Variants in CFAP100 observed in about 807,000 individuals in gnomAD.
The protein encoded by CFAP100 is cilia and flagella associated protein 100.
A neutral mutation model predicts 81.5 loss-of-function variants in CFAP100; 70 were observed. The ratio of observed to expected loss-of-function variants is 0.86; its 90% CI spans 0.71 to 1.05. The LOEUF is 1.05. Ranked by LOEUF, CFAP100 falls within the 50% of genes least tolerant of loss-of-function variation. CFAP100 has a pLI of 0.00. For missense variants in CFAP100, 811 were observed against 776.5 expected (o/e 1.04, Z -0.53); for synonymous variants, 341 against 314.8 (o/e 1.08, Z -0.88).
At chr3:126,422,559 A>G (rs979411862) in intron 11 of CFAP100, among the ~76,000 whole-genome samples, 3 of 151,746 alleles carry the variant, frequency 2.0e-5, no homozygotes, top group Non-Finnish European at 4.4e-5. Flanking sequence ...CTGGGAGGGC[A>G]GGTTTGGAAG....
rs886421047 is a variant in CFAP100 at position 126,433,065 on chromosome 3, C to T, written c.1287-4C>T. 1.2e-6 allele frequency: 2 copies of T among 1,613,858 alleles called. No individual in the cohort carries two copies. Among genetic ancestry groups the T allele is most frequent in the African/African-American group, 1.3e-5 (1 of 74,902 alleles). On this transcript the variant is annotated splice_region_variant and splice_polypyrimidine_tract_variant and intron_variant, in intron 13 of 16. Transcript: ENST00000352312. ...GATGCCCTGCCGGTTTTCCCCTCTTCCAGGGACAGGGAGGTCAACCAGCTG... is the reference window on the plus strand; with the variant it reads ...GATGCCCTGCCGGTTTTCCCCTCTTTCAGGGACAGGGAGGTCAACCAGCTG...
chr3:126,426,448 C>T (rs1932940810), intron 13 of CFAP100, among the ~76,000 whole-genome samples: 1 of 142,698 alleles, frequency 7.0e-6, no homozygotes, highest in Non-Finnish European at 1.5e-5. Context: ...CAGTGAGACC[C>T]TGTCTTAAAA....
Position 126,423,387 on chromosome 3 carries a change from C to T in CFAP100, c.1134+11C>T, listed in dbSNP as rs772303493. 4.3e-6 allele frequency: 7 copies of T among 1,612,902 alleles called. No homozygotes were observed. Among genetic ancestry groups the T allele is most frequent in the Non-Finnish European group, 8.5e-7 (1 of 1,179,392 alleles). On this transcript the variant is annotated intron_variant, in intron 12 of 16. Coordinates refer to ENST00000352312, the MANE Select transcript of CFAP100 (RefSeq NM_182628.3). Reference sequence around the variant, plus strand: ...GACAGCGATGGGGAGGTGAATGGCCCAGTGCTGGGCTGGAATTCGGAAGTC... The same window carrying T: ...GACAGCGATGGGGAGGTGAATGGCCTAGTGCTGGGCTGGAATTCGGAAGTC...
chr3:126,434,325 G>A lies in CFAP100; in HGVS notation c.1572G>A (p.Val524=), dbSNP rs1933356361. 1.2e-6 allele frequency: 2 copies of A among 1,613,992 alleles called. No homozygotes were observed. Among genetic ancestry groups the A allele is most frequent in the African/African-American group, 1.3e-5 (1 of 74,932 alleles). ...LDELLENLEH[V]PQVKIEQAER... ...AGCTGCTAGAGAACCTGGAGCACGT[G>A]CCCCAGGTCAAGATCGAGCAGGCCG... The change falls in exon 15 of 17, where the codon GTG becomes GTA. Residue 524 remains valine (V), a synonymous_variant. Coordinates refer to ENST00000352312, the MANE Select transcript of CFAP100 (RefSeq NM_182628.3).
At chr3:126,395,023 T>A (rs980783772) in intron 1 of CFAP100, 45 bp downstream of exon 1, 1 of 152,180 alleles carries the variant, frequency 6.6e-6, no homozygotes, top group African/African-American at 2.4e-5. Flanking sequence ...GCGGGGTCCG[T>A]GAGGGCGCGT....
chr3:126,422,551 G>A (rs1419642510), intron 11 of CFAP100, among the ~76,000 whole-genome samples: 5 of 152,224 alleles, frequency 3.3e-5, no homozygotes, highest in Non-Finnish European at 7.3e-5. Flanking sequence ...GGAGCAGGCT[G>A]GGAGGGCAGG....
In CFAP100 at chr3:126,395,969, G is replaced by C. The variant is rs777898332; in HGVS notation, c.-32G>C. ...GAGGATCTCCTTTAGAAGAGGAGAA[G>C]CCTTGCATCAACCTCTTGGGCCTCA... On this transcript the variant is annotated 5_prime_UTR_variant, in exon 2 of 17. Coordinates refer to ENST00000352312, the MANE Select transcript of CFAP100 (RefSeq NM_182628.3). The C allele has an allele frequency of 1.0e-5, 16 of 1,591,296 alleles. No individual in the cohort carries two copies. The highest frequency in any genetic ancestry group is 1.4e-5 in the Non-Finnish European group (16 of 1,159,372).
chr3:126,420,343 G>T lies in CFAP100; in HGVS notation c.1082+114G>T, dbSNP rs1314876099. On this transcript the variant is annotated intron_variant, in intron 11 of 16. Coordinates refer to ENST00000352312, the MANE Select transcript of CFAP100 (RefSeq NM_182628.3). ...CAGAAAAGAAAGTGTGTTACTCACA[G>T]TCCCTACTCCAAGAAGGGCCAGACA... 3.5e-6 allele frequency: 5 copies of T among 1,418,320 alleles called. No individual in the cohort carries two copies. The Admixed American group carries it at 1.2e-4, about 33-fold the overall frequency. The allele number at this position is 1,418,320 out of a possible 1,614,324, so 87.9% of individuals were successfully genotyped here.
At chr3:126,414,294 CAG>C (rs764521803) in intron 4 of CFAP100, 115 bp downstream of exon 4, 9 of 803,380 alleles carry the variant, frequency 1.1e-5, no homozygotes, top group African/African-American at 8.4e-5. Flanking sequence ...CTTCTCATTC[CAG>C]AATAGTCAAT....
chr3:126,408,600 T>G (rs1380635827), intron 3 of CFAP100, among the ~76,000 whole-genome samples: 2 of 152,140 alleles, frequency 1.3e-5, no homozygotes, highest in Non-Finnish European at 2.9e-5. Flanking sequence ...TTCCTGCCCT[T>G]GGACATTAGC....
chr3:126,403,564 G>A (rs1224965998), intron 2 of CFAP100, among the ~76,000 whole-genome samples: 5 of 151,892 alleles, frequency 3.3e-5, no homozygotes, highest in African/African-American at 9.7e-5. Context: ...TGTATTTTTA[G>A]TACAGACAGG....
At chr3:126,395,602 G>A (rs1261273396) in intron 1 of CFAP100, among the ~76,000 whole-genome samples, 2 of 152,180 alleles carry the variant, frequency 1.3e-5, no homozygotes, top group Non-Finnish European at 2.9e-5. Context: ...CTTTGGATGG[G>A]ATGGTGAGAG....
intron 3 of CFAP100, among the ~76,000 whole-genome samples, chr3:126,412,267 T>C (rs1434359778): frequency 6.6e-6 from 1 of 152,174 alleles, no homozygotes; most frequent in Non-Finnish European, 1.5e-5. Flanking sequence ...CTCTCCTGCC[T>C]CCCAATTACA....
Position 126,406,726 on chromosome 3 carries a change from T to C in CFAP100, c.50-446T>C, listed in dbSNP as rs143232195. 1.9e-3 allele frequency among the ~76,000 whole-genome samples: 285 copies of C among 152,174 alleles called. 1 individual carries two copies. Among genetic ancestry groups the C allele is most frequent in the Non-Finnish European group, 2.9e-3 (197 of 67,984 alleles). ...AGAAGGGCCACTCCTCACGGTGGGA[T>C]AGGGGTGGCAGCTCCCTGAGGAGGT... On this transcript the variant is annotated intron_variant, in intron 2 of 16. Transcript: ENST00000352312.
chr3:126,397,572 TG>T (rs2082908408), intron 2 of CFAP100, among the ~76,000 whole-genome samples: 4 of 152,242 alleles, frequency 2.6e-5, no homozygotes, highest in African/African-American at 9.6e-5. Context: ...TATGACCCTG[TG>T]GCATTGGTAA....
intron 3 of CFAP100, among the ~76,000 whole-genome samples, chr3:126,412,317 G>A (rs372790691): frequency 3.3e-5 from 5 of 152,202 alleles, no homozygotes; most frequent in African/African-American, 9.6e-5. Flanking sequence ...TGGACATGCC[G>A]GGACAGTTTC....
At chr3:126,418,798 T>C in intron 7 of CFAP100, 24 bp downstream of exon 7, 1 of 1,556,722 alleles carries the variant, frequency 6.4e-7, no homozygotes. Context: ...CCCGAGGGGC[T>C]GGCTGGGCAA....
chr3:126,404,104 A>G (rs1304163052), intron 2 of CFAP100, among the ~76,000 whole-genome samples: 3 of 152,252 alleles, frequency 2.0e-5, no homozygotes, highest in African/African-American at 4.8e-5. Context: ...ATGAGGCAAG[A>G]AGATGGATAA....
intron 2 of CFAP100, among the ~76,000 whole-genome samples, chr3:126,401,400 TATATATATATATATATA>T (rs1560061171): frequency 0.036 from 1,488 of 40,990 alleles, 45 homozygotes; most frequent in South Asian, 0.051. Context: ...TCGTATTTTA[TATATATATATATATATA>T]TATATATATA....
Sources: allele counts gnomAD v4.1 joint callset (sites outside exome capture counted in the v4.1 genomes callset), GRCh38; gene constraint gnomAD v4.1.1; transcripts MANE v1.5; gene names NCBI Gene and HGNC (gene_info 2026-07-23, HGNC 2026-07-21).